The following ACAP1 variants were observed in gnomAD, a reference collection of about 807,000 sequenced individuals.
ACAP1 encodes ArfGAP with coiled-coil, ankyrin repeat and PH domains 1, also known as arf-GAP with coiled-coil, ANK repeat and PH domain-containing protein 1.
Under a neutral mutation model 98.8 loss-of-function variants are expected in ACAP1, and 45 were observed. That is an observed-to-expected ratio of 0.46 (90% CI 0.36 to 0.58). ACAP1 has a LOEUF of 0.58. Ranked by LOEUF, ACAP1 falls within the 20% of genes least tolerant of loss-of-function variation. ACAP1 has a pLI of 0.00. For missense variants in ACAP1, 735 were observed against 971.4 expected (o/e 0.76, Z 3.24); for synonymous variants, 362 against 375.3 (o/e 0.96, Z 0.41).
Position 7,350,117 on chromosome 17 carries a change from T to G in ACAP1, c.1962-10T>G. 4.3e-6 allele frequency: 7 copies of G among 1,613,964 alleles called. No individual in the cohort carries two copies. Among genetic ancestry groups the G allele is most frequent in the Non-Finnish European group, 5.9e-6 (7 of 1,179,814 alleles). ...TTGGGCGGCCGGCTGACCCTGGCTCTTCTCTCCAGGCTCGCCTGCCTGTTC... is the reference window on the plus strand; with the variant it reads ...TTGGGCGGCCGGCTGACCCTGGCTCGTCTCTCCAGGCTCGCCTGCCTGTTC... On this transcript the variant is annotated splice_polypyrimidine_tract_variant and intron_variant, in intron 19 of 21. Coordinates refer to ENST00000158762, the MANE Select transcript of ACAP1 (RefSeq NM_014716.4). This position sits in a 1 kb window ranked among gnomAD's most constrained non-coding sequence, Gnocchi z 4.6.
Position 7,350,049 on chromosome 17 carries a change from C to T in ACAP1, c.1956C>T (p.His652=), listed in dbSNP as rs931959899. The T allele has an allele frequency of 4.3e-6, 7 of 1,613,206 alleles. No homozygotes were observed. Among genetic ancestry groups the T allele is most frequent in the Admixed American group, 1.7e-5 (1 of 59,942 alleles). ...TGCACCACGCAACCATTCTTGGCCACACGGGGTAGGGATGATGGCATGGGG... is the reference window on the plus strand; with the variant it reads ...TGCACCACGCAACCATTCTTGGCCATACGGGGTAGGGATGATGGCATGGGG... ...GPLHHATILG[H]TGLACLFLKR... The change falls in exon 19 of 22, where the codon CAC becomes CAT. Residue 652 remains histidine (H), a synonymous_variant. Transcript: ENST00000158762. The surrounding 1 kb of genome is among the most constrained non-coding windows in gnomAD (Gnocchi z 4.6).
At chr17:7,348,068 C>T (rs2073364828) in intron 15 of ACAP1, 59 bp from the exon 16 acceptor site, 4 of 1,610,278 alleles carry the variant, frequency 2.5e-6, no homozygotes, top group African/African-American at 2.7e-5. Flanking sequence ...GGGCGTGATC[C>T]CTGAGGAGTC....
rs2073350877 is a variant in ACAP1, at chr17:7,346,826, T to G, written c.1026T>G (p.Ala342=). The G allele has an allele frequency of 1.2e-6, 2 of 1,612,928 alleles. No homozygotes were observed. Among genetic ancestry groups the G allele is most frequent in the African/African-American group, 2.7e-5 (2 of 74,896 alleles). The change falls in exon 13 of 22, where the codon GCT becomes GCG. Residue 342 remains alanine, a synonymous_variant. Coordinates refer to ENST00000158762, the MANE Select transcript of ACAP1 (RefSeq NM_014716.4). ...VSTSKSCLLQ[A]DSERLLQLWV... Reference sequence around the variant, plus strand: ...TACCTAGGTCCTGCCTCCTCCAGGCTGACTCAGAGCGCCTCCTGCAGCTGT... The same window carrying G: ...TACCTAGGTCCTGCCTCCTCCAGGCGGACTCAGAGCGCCTCCTGCAGCTGT...
Position 7,347,023 on chromosome 17 carries a change from T to C in ACAP1, c.1132-8T>C. 6.4e-7 allele frequency: 1 copy of C among 1,571,782 alleles called. No individual in the cohort carries two copies. Among genetic ancestry groups the C allele is most frequent in the East Asian group, 2.3e-5 (1 of 44,212 alleles). On this transcript the variant is annotated splice_region_variant and splice_polypyrimidine_tract_variant and intron_variant, in intron 13 of 21. Transcript: ENST00000158762. Reference sequence around the variant, plus strand: ...CTTGGCCACCCTTTCTTCCCCTCTCTCCCCCAGGGCTCAGGACACCTGGCC... The same window carrying C: ...CTTGGCCACCCTTTCTTCCCCTCTCCCCCCCAGGGCTCAGGACACCTGGCC...
Position 7,351,407 on chromosome 17 carries a change from C to A in ACAP1, c.*12C>A, listed in dbSNP as rs763532630. On this transcript the variant is annotated 3_prime_UTR_variant, in exon 22 of 22. Coordinates refer to ENST00000158762, the MANE Select transcript of ACAP1 (RefSeq NM_014716.4). ...TCCACACGCTGTGACCCGAGGCCCA[C>A]GGGGCCCGCGCCTGCCTCCCTTCCC... 9.4e-6 allele frequency: 15 copies of A among 1,592,660 alleles called. No homozygotes were observed. In the Admixed American group the frequency reaches 1.9e-4, roughly 20 times the overall value.
intron 5 of ACAP1, 112 bp downstream of exon 5, chr17:7,342,586 C>A: frequency 8.3e-7 from 1 of 1,197,910 alleles, no homozygotes; most frequent in Non-Finnish European, 1.2e-6. Flanking sequence ...GCCAACATGG[C>A]GAAACTGTCT....
At chr17:7,348,586 G>A (rs1000137406) in intron 17 of ACAP1, 111 bp downstream of exon 17, 58 of 1,227,492 alleles carry the variant, frequency 4.7e-5, no homozygotes, top group African/African-American at 4.6e-5. Context: ...GGACAATGTC[G>A]GAGGGACCGG....
chr17:7,348,058 G>A, intron 15 of ACAP1, 67 bp downstream of exon 15: 1 of 1,610,904 alleles, frequency 6.2e-7, no homozygotes, highest in East Asian at 2.2e-5. Context: ...GGCGGTGCAG[G>A]GGCGTGATCC....
Position 7,350,772 on chromosome 17 carries a change from G to A in ACAP1, c.2073-178G>A, listed in dbSNP as rs2073399676. The A allele has an allele frequency of 1.7e-6, 1 of 577,904 alleles. No individual in the cohort carries two copies. Among genetic ancestry groups the A allele is most frequent in the Non-Finnish European group, 3.1e-6 (1 of 325,658 alleles). The allele number at this position is 577,904 out of a possible 1,614,324, so 35.8% of individuals were successfully genotyped here. On this transcript the variant is annotated intron_variant, in intron 20 of 21. Coordinates refer to ENST00000158762, the MANE Select transcript of ACAP1 (RefSeq NM_014716.4). The surrounding 1 kb of genome is among the most constrained non-coding windows in gnomAD (Gnocchi z 4.6). ...ACTACAGGCGTGCGCCACCACCCCC[G>A]GCTAATTTTTTGTATTTTTAGTAGA...
chr17:7,337,575 C>T (rs1038974341), intron 2 of ACAP1, among the ~76,000 whole-genome samples: 7 of 152,128 alleles, frequency 4.6e-5, no homozygotes, highest in African/African-American at 1.7e-4. Flanking sequence ...ACTTTTGGGC[C>T]AGGCATGGTA....
chr17:7,349,756 T>G, intron 18 of ACAP1, 189 bp from the exon 19 acceptor site: 1 of 528,634 alleles, frequency 1.9e-6, no homozygotes, highest in Non-Finnish European at 3.4e-6. Flanking sequence ...GTACTATGGA[T>G]TTATATATGA....
At position 7,343,729 on chromosome 17, in the gene ACAP1, GA is replaced by G; in HGVS notation, c.554del (p.Lys185SerfsTer26). ...LQINVIEDKRKFDIMEFVLRL... is the reference protein window; with the variant it reads ...LQINVIEDKRXFDIMEFVLRL... ...AGATCAACGTGATTGAGGACAAGAG[GA>G]AGTTTGACATCATGGAGTTTGTGAG... is the stretch of plus-strand genomic sequence containing the variant. On this transcript the variant is annotated frameshift_variant, in exon 7 of 22. Transcript: ENST00000158762. LOFTEE classifies it high-confidence loss of function. The surrounding 1 kb of genome is among the most constrained non-coding windows in gnomAD (Gnocchi z 4.9). 1 of 1,614,138 alleles carries G rather than the reference GA, an allele frequency of 6.2e-7. No individual in the cohort carries two copies. The highest frequency in any genetic ancestry group is 8.5e-7 in the Non-Finnish European group (1 of 1,180,014).
chr17:7,337,349 T>C lies in ACAP1; in HGVS notation c.91T>C (p.Leu31=). The C allele has an allele frequency of 6.2e-7, 1 of 1,614,082 alleles. No homozygotes were observed. Among genetic ancestry groups the C allele is most frequent in the Non-Finnish European group, 8.5e-7 (1 of 1,180,004 alleles). The change falls in exon 2 of 22, where the codon TTG becomes CTG. Residue 31 remains leucine (L), a synonymous_variant. Transcript: ENST00000158762. ...IELVEAEVSE[L]ETRLEKLLKL... is the part of the protein sequence containing the mutation. ...GCTGGTGGAAGCCGAAGTGTCAGAA[T>C]TGGAGACCCGTCTGGAAAAGGTGAC...
chr17:7,348,706 G>A (rs1330011946), intron 17 of ACAP1: 2 of 589,014 alleles, frequency 3.4e-6, no homozygotes, highest in Non-Finnish European at 5.8e-6. Flanking sequence ...GAAAAGGAGA[G>A]AGAGAGGGGG....
intron 2 of ACAP1, among the ~76,000 whole-genome samples, chr17:7,340,801 A>G (rs536254005): frequency 6.6e-6 from 1 of 152,262 alleles, no homozygotes; most frequent in South Asian, 2.1e-4. Flanking sequence ...AGCCAAGATC[A>G]TGCCATTGCA....
At chr17:7,337,181 G>T in intron 1 of ACAP1, 131 bp from the exon 2 acceptor site, 1 of 820,382 alleles carries the variant, frequency 1.2e-6, no homozygotes, top group South Asian at 1.5e-5. Flanking sequence ...ACAAGTAGGT[G>T]GGTGGGGGGC....
chr17:7,348,731 G>A, intron 17 of ACAP1: 1 of 584,230 alleles, frequency 1.7e-6, no homozygotes. Context: ...TTTGGCTGGA[G>A]CGTCAGGGGT....
Position 7,350,746 on chromosome 17 carries a change from G to A in ACAP1, c.2073-204G>A. The A allele has an allele frequency of 1.9e-6, 1 of 535,552 alleles. No individual in the cohort carries two copies. The highest frequency in any genetic ancestry group is 3.4e-6 in the Non-Finnish European group (1 of 296,768). The allele number at this position is 535,552 out of a possible 1,614,324, so 33.2% of individuals were successfully genotyped here. On this transcript the variant is annotated intron_variant, in intron 20 of 21. Coordinates refer to ENST00000158762, the MANE Select transcript of ACAP1 (RefSeq NM_014716.4). This position sits in a 1 kb window ranked among gnomAD's most constrained non-coding sequence, Gnocchi z 4.6. Reference sequence around the variant, plus strand: ...GTCTCAGCCTCCCCTGAGTAGCTGGGACTACAGGCGTGCGCCACCACCCCC... The same window carrying A: ...GTCTCAGCCTCCCCTGAGTAGCTGGAACTACAGGCGTGCGCCACCACCCCC...
chr17:7,347,303 C>T, intron 14 of ACAP1, 61 bp downstream of exon 14: 1 of 1,439,444 alleles, frequency 6.9e-7, no homozygotes, highest in Non-Finnish European at 9.5e-7. Flanking sequence ...GGCTCCAATA[C>T]AGAGCGCATC....
Sources: allele counts gnomAD v4.1 joint callset (sites outside exome capture counted in the v4.1 genomes callset), GRCh38; gene constraint gnomAD v4.1.1; non-coding constraint Gnocchi (gnomAD v3.1); transcripts MANE v1.5; gene names NCBI Gene and HGNC (gene_info 2026-07-23, HGNC 2026-07-21).